TRAF1: variants seen among roughly 807,000 people sequenced by gnomAD.
TRAF1 encodes TNF receptor associated factor 1.
A neutral mutation model predicts 40.9 loss-of-function variants in TRAF1; 23 were observed. The observed-to-expected ratio is 0.56, with a 90% CI of 0.40 to 0.80. TRAF1 has a LOEUF of 0.80. Ranked by LOEUF, TRAF1 falls within the 30% of genes least tolerant of loss-of-function variation. TRAF1 has a pLI of 0.00. For synonymous variants in TRAF1, 206 were observed against 218.8 expected (o/e 0.94, Z 0.52); for missense variants, 477 against 528.7 (o/e 0.90, Z 0.96).
At chr9:120,921,394 G>GA (rs1450441311) in intron 3 of TRAF1, among the ~76,000 whole-genome samples, 1 of 151,834 alleles carries the variant, frequency 6.6e-6, no homozygotes, top group African/African-American at 2.4e-5. Flanking sequence ...TGAAAAAGAT[G>GA]AAAAAAAGCC....
intron 3 of TRAF1, among the ~76,000 whole-genome samples, chr9:120,921,902 C>A (rs1231597352): frequency 6.6e-5 from 10 of 152,274 alleles, no homozygotes; most frequent in Non-Finnish European, 8.8e-5. Flanking sequence ...AGCTGCCCTG[C>A]CAGCACTGCT....
intron 3 of TRAF1, among the ~76,000 whole-genome samples, chr9:120,914,795 C>T (rs575763785): frequency 5.9e-5 from 9 of 152,318 alleles, no homozygotes; most frequent in East Asian, 1.9e-4. Flanking sequence ...GTGTCCACTC[C>T]GCACAACTTT....
upstream of TRAF1, chr9:120,929,129 G>C (rs2046659432): frequency 6.6e-6 from 1 of 152,412 alleles, no homozygotes; most frequent in African/African-American, 2.4e-5. This position sits in a 1 kb window ranked among gnomAD's most constrained non-coding sequence, Gnocchi z 4.5. Flanking sequence ...CGCCGCCTCC[G>C]CCACCGCCTA....
chr9:120,920,161 G>A (rs1176365238), intron 3 of TRAF1, among the ~76,000 whole-genome samples: 1 of 152,200 alleles, frequency 6.6e-6, no homozygotes, highest in East Asian at 1.9e-4. Context: ...CAAATGCACA[G>A]AGACTGGGGA....
intron 3 of TRAF1, 26 bp from the exon 4 acceptor site, chr9:120,914,326 A>G: frequency 6.9e-7 from 1 of 1,453,048 alleles, no homozygotes; most frequent in South Asian, 1.5e-5. Flanking sequence ...ACATCACTGA[A>G]TGTTATAGCG....
At chr9:120,921,703 G>C (rs2046606614) in intron 3 of TRAF1, among the ~76,000 whole-genome samples, 1 of 152,088 alleles carries the variant, frequency 6.6e-6, no homozygotes, top group South Asian at 2.1e-4. Flanking sequence ...ACATGCATTT[G>C]GTCCTTACTC....
In TRAF1 at chr9:120,913,419, T is replaced by C; in HGVS notation, c.614A>G (p.Asn205Ser). ...CAGGTGGGAGGCCTCCACCTCCTTG[T>C]TGAGGACAGCAACAATGTTCTCAAA... ...RVFENIVAVL[N>S]KEVEASHLAL... The change falls in exon 5 of 8, where the codon AAC (asparagine) becomes AGC (serine). Residue 205 changes from asparagine (N) to serine (S), a missense_variant. Coordinates refer to ENST00000373887, the MANE Select transcript of TRAF1 (RefSeq NM_005658.5). The C allele has an allele frequency of 1.2e-6, 2 of 1,613,984 alleles. No individual in the cohort carries two copies. Among genetic ancestry groups the C allele is most frequent in the Non-Finnish European group, 8.5e-7 (1 of 1,180,028 alleles).
chr9:120,907,077 G>C (rs1392363636), intron 7 of TRAF1, among the ~76,000 whole-genome samples: 4 of 151,978 alleles, frequency 2.6e-5, no homozygotes, highest in African/African-American at 9.7e-5. Flanking sequence ...GTTATGGCTG[G>C]CCTCGAACTC....
Position 120,913,676 on chromosome 9 carries a change from C to G in TRAF1, c.357G>C (p.Leu119=). 1 of 1,612,398 alleles carries G rather than the reference C, an allele frequency of 6.2e-7. No individual in the cohort carries two copies. Among genetic ancestry groups the G allele is most frequent in the Non-Finnish European group, 8.5e-7 (1 of 1,179,022 alleles). The stretch of plus-strand genomic sequence containing the variant: ...CCTTCCACTGTTTCATGAACCCCAA[C>G]AGCAGGTTTAGGTGGGAGGTCTGGG... ...VTSQTSHLNL[L]LGFMKQWKAR... The change falls in exon 5 of 8, where the codon CTG becomes CTC. Residue 119 remains leucine, a synonymous_variant. Coordinates refer to ENST00000373887, the MANE Select transcript of TRAF1 (RefSeq NM_005658.5).
At chr9:120,921,445 T>C (rs2269061) in intron 3 of TRAF1, among the ~76,000 whole-genome samples, 20,080 of 152,100 alleles carry the variant, frequency 0.13, 1,666 homozygotes, top group East Asian at 0.28. Context: ...TGATCTAAGA[T>C]TTACACAATA....
chr9:120,905,208 G>C lies in TRAF1; in HGVS notation c.1063C>G (p.Arg355Gly), dbSNP rs201773418. Residue 355 changes from arginine to glycine, a missense_variant, in exon 8 of 8, where the codon CGT becomes GGT. Coordinates refer to ENST00000373887, the MANE Select transcript of TRAF1 (RefSeq NM_005658.5). Reference protein sequence around the residue: ...VTFMLLDQNNREHAIDAFRPD... With the variant: ...VTFMLLDQNNGEHAIDAFRPD... ...CGGAAGGCGTCAATGGCGTGCTCAC[G>C]GTTGTTCTGGTCCAGCAGCATGAAG... 2.5e-6 allele frequency: 4 copies of C among 1,613,014 alleles called. No individual in the cohort carries two copies. In the African/African-American group the frequency reaches 5.3e-5, roughly 21 times the overall value.
At chr9:120,908,565 CT>C (rs532106022) in intron 7 of TRAF1, among the ~76,000 whole-genome samples, 5 of 149,782 alleles carry the variant, frequency 3.3e-5, no homozygotes, top group East Asian at 1.9e-4. Context: ...TTCCCACATT[CT>C]TTTTTTTTTC....
chr9:120,914,523 C>T, intron 3 of TRAF1: 1 of 1,183,554 alleles, frequency 8.4e-7, no homozygotes, highest in Non-Finnish European at 1.0e-6. Flanking sequence ...TCCTGGGCAG[C>T]ACTGCTATTT....
At chr9:120,911,623 C>A in intron 5 of TRAF1, 110 bp from the exon 6 acceptor site, 1 of 1,295,134 alleles carries the variant, frequency 7.7e-7, no homozygotes, top group Non-Finnish European at 1.1e-6. Flanking sequence ...CTGACCACGC[C>A]TCACTCAGGT....
rs116944279 is a variant in TRAF1, at chr9:120,909,385, C to T, written c.884-7G>A. 328 of 1,612,878 alleles carry T rather than the reference C, an allele frequency of 2.0e-4. No individual in the cohort carries two copies. In the East Asian group the frequency reaches 7.1e-3, roughly 35 times the overall value. On this transcript the variant is annotated splice_polypyrimidine_tract_variant and splice_region_variant and intron_variant, in intron 6 of 7. Transcript: ENST00000373887. ...TACTTGGCAGTGTAGAAGGCTGAAA[C>T]GCAGAAGCCAGAGGCAGTTGGGAAG...
rs760995183 is a variant in TRAF1 at position 120,902,681 on chromosome 9, AT to A, written c.*2338del. 25 of 152,092 alleles carry A rather than the reference AT, an allele frequency of 1.6e-4. No individual in the cohort carries two copies. The highest frequency in any genetic ancestry group is 2.8e-4 in the Non-Finnish European group (19 of 68,036). 9.4% of individuals were successfully genotyped at this position (152,092 alleles called of 1,614,324 possible). ...TTTTCCCCATCCTCTGCATTTCACA[AT>A]ATTCTCAGGCTGAGCTTAAAGGCCT... On this transcript the variant is annotated 3_prime_UTR_variant, in exon 8 of 8. Coordinates refer to ENST00000373887, the MANE Select transcript of TRAF1 (RefSeq NM_005658.5).
At chr9:120,924,584 C>A (rs7033753) in intron 2 of TRAF1, among the ~76,000 whole-genome samples, 11 of 151,932 alleles carry the variant, frequency 7.2e-5, no homozygotes, top group African/African-American at 2.7e-4. Context: ...CCAGCTAATT[C>A]TTGTATTTTT....
In TRAF1 at chr9:120,909,233, G is replaced by T; in HGVS notation, c.1029C>A (p.Asn343Lys). Reference protein sequence around the residue: ...YDALLPWPFRNKVTFMLLDQN... With the variant: ...YDALLPWPFRKKVTFMLLDQN... ...CCCATCACCTTCACACCCATACCTT[G>T]TTCCGGAAGGGCCACGGCAGCAGCG... Residue 343 changes from asparagine to lysine, a missense_variant, in exon 7 of 8, where the codon AAC becomes AAA. Transcript: ENST00000373887. The T allele has an allele frequency of 2.5e-6, 4 of 1,613,720 alleles. No homozygotes were observed. The highest frequency in any genetic ancestry group is 3.4e-6 in the Non-Finnish European group (4 of 1,179,960).
chr9:120,911,638 G>T (rs10985088), intron 5 of TRAF1, 125 bp from the exon 6 acceptor site: 1 of 1,118,938 alleles, frequency 8.9e-7, no homozygotes, highest in Non-Finnish European at 1.3e-6. Flanking sequence ...TCAGGTGTGC[G>T]TCTGCATCTG....
Sources: gnomAD v4.1 joint callset for allele counts (sites outside exome capture counted in the v4.1 genomes callset) on GRCh38, gnomAD v4.1.1 for gene constraint, Gnocchi (gnomAD v3.1) non-coding constraint, MANE v1.5 for transcripts, NCBI Gene and HGNC (gene_info 2026-07-23, HGNC 2026-07-21) for gene names.